Variants in DPYSL3 observed in about 807,000 individuals in gnomAD.
DPYSL3 encodes the protein dihydropyrimidinase like 3.
In DPYSL3, 16 loss-of-function variants were observed where a neutral mutation model predicts 66.1. The observed-to-expected ratio is 0.24, with a 90% CI of 0.16 to 0.37. DPYSL3 has a LOEUF of 0.37. Ranked by LOEUF, DPYSL3 falls within the 10% of genes least tolerant of loss-of-function variation. The pLI is 1.00. For missense variants in DPYSL3, 738 were observed against 916.2 expected (o/e 0.81, Z 2.51); for synonymous variants, 338 against 345.1 (o/e 0.98, Z 0.23).
chr5:147,464,456 A>G (rs1752982948), intron 1 of DPYSL3, among the ~76,000 whole-genome samples: 1 of 152,158 alleles, frequency 6.6e-6, no homozygotes, highest in African/African-American at 2.4e-5. Flanking sequence ...CTACCTGTGT[A>G]CTTCGGGCTC....
intron 1 of DPYSL3, among the ~76,000 whole-genome samples, chr5:147,490,300 G>T (rs141624862): frequency 6.4e-4 from 98 of 152,258 alleles, no homozygotes; most frequent in African/African-American, 2.2e-3. Flanking sequence ...CATTGATAAT[G>T]AAATGAATGT....
chr5:147,488,355 C>T (rs944957816), intron 1 of DPYSL3, among the ~76,000 whole-genome samples: 3 of 152,164 alleles, frequency 2.0e-5, no homozygotes, highest in African/African-American at 7.2e-5. Context: ...TCAAAGGAGA[C>T]CCTCTAAAAT....
intron 1 of DPYSL3, among the ~76,000 whole-genome samples, chr5:147,474,832 G>T (rs1208483023): frequency 4.6e-5 from 7 of 151,926 alleles, no homozygotes; most frequent in African/African-American, 1.7e-4. Flanking sequence ...CAATTCCGTG[G>T]TTTTTAAGGT....
chr5:147,453,889 A>T (rs1160764194), intron 1 of DPYSL3: 2 of 506,082 alleles, frequency 4.0e-6, no homozygotes, highest in Non-Finnish European at 6.1e-6. Flanking sequence ...ACCCCATAAG[A>T]CAAGAATGGC....
chr5:147,465,778 A>C (rs1234414074), intron 1 of DPYSL3, among the ~76,000 whole-genome samples: 1 of 152,242 alleles, frequency 6.6e-6, no homozygotes, highest in Non-Finnish European at 1.5e-5. Context: ...GGGTTATCCC[A>C]GTATCATGCC....
chr5:147,401,193 C>T (rs1463479734), intron 9 of DPYSL3, among the ~76,000 whole-genome samples: 1 of 152,196 alleles, frequency 6.6e-6, no homozygotes, highest in Non-Finnish European at 1.5e-5. Flanking sequence ...GATTTAGCTT[C>T]TCTGACCTTC....
chr5:147,461,280 C>G (rs970758004), intron 1 of DPYSL3, among the ~76,000 whole-genome samples: 1 of 152,142 alleles, frequency 6.6e-6, no homozygotes, highest in East Asian at 1.9e-4. Flanking sequence ...GTTTCTCATG[C>G]CTTCTGCAAT....
intron 1 of DPYSL3, chr5:147,454,179 G>A (rs1258530542): frequency 6.6e-6 from 1 of 152,034 alleles, no homozygotes; most frequent in Non-Finnish European, 1.5e-5. Flanking sequence ...TACCTTCCCC[G>A]CCCTAGTTTC....
At chr5:147,406,615 C>T (rs144464296) in intron 7 of DPYSL3, among the ~76,000 whole-genome samples, 103 of 152,312 alleles carry the variant, frequency 6.8e-4, no homozygotes, top group African/African-American at 2.4e-3. Context: ...GGGTTGGCTA[C>T]TGATATTATT....
At chr5:147,470,738 C>T (rs2126422877) in intron 1 of DPYSL3, among the ~76,000 whole-genome samples, 1 of 152,262 alleles carries the variant, frequency 6.6e-6, no homozygotes, top group Middle Eastern at 3.4e-3. Flanking sequence ...ACCTCAAGCA[C>T]TTGCCCAAAT....
chr5:147,457,136 A>G (rs759699207), intron 1 of DPYSL3, among the ~76,000 whole-genome samples: 12 of 152,206 alleles, frequency 7.9e-5, no homozygotes, highest in Non-Finnish European at 1.6e-4. Flanking sequence ...GAGGTGAATA[A>G]TAAGTCCCAA....
At chr5:147,457,829 G>C (rs1435670428) in intron 1 of DPYSL3, among the ~76,000 whole-genome samples, 2 of 152,164 alleles carry the variant, frequency 1.3e-5, no homozygotes, top group Non-Finnish European at 2.9e-5. Flanking sequence ...CCCTTAGCTA[G>C]AAACAAGACT....
At chr5:147,404,513 A>G (rs774661397) in intron 8 of DPYSL3, among the ~76,000 whole-genome samples, 47 of 152,214 alleles carry the variant, frequency 3.1e-4, no homozygotes, top group Non-Finnish European at 1.2e-4. Flanking sequence ...CAGAATGGCC[A>G]CTGGCACGCA....
At chr5:147,453,449 A>G (rs926968931) in intron 1 of DPYSL3, 2 of 1,413,720 alleles carry the variant, frequency 1.4e-6, no homozygotes, top group South Asian at 1.5e-5. Context: ...CTCCCCGGGG[A>G]CCAGGCCAGA....
At chr5:147,507,559 A>C (rs1753700269) in intron 1 of DPYSL3, among the ~76,000 whole-genome samples, 1 of 152,168 alleles carries the variant, frequency 6.6e-6, no homozygotes, top group Non-Finnish European at 1.5e-5. Flanking sequence ...CAAATACACA[A>C]TCTCTACCCT....
chr5:147,406,394 T>C (rs1474256131), intron 7 of DPYSL3, among the ~76,000 whole-genome samples: 1 of 152,186 alleles, frequency 6.6e-6, no homozygotes, highest in Non-Finnish European at 1.5e-5. Flanking sequence ...TGAGGCTCTC[T>C]CAGATGGCCT....
intron 1 of DPYSL3, among the ~76,000 whole-genome samples, chr5:147,485,105 TC>T (rs2126440343): frequency 6.6e-6 from 1 of 152,352 alleles, no homozygotes; most frequent in Non-Finnish European, 1.5e-5. Context: ...CTGCTTTTAT[TC>T]GATTGCAAAA....
At chr5:147,406,422 C>A (rs2152019113) in intron 7 of DPYSL3, among the ~76,000 whole-genome samples, 1 of 152,300 alleles carries the variant, frequency 6.6e-6, no homozygotes, top group Non-Finnish European at 1.5e-5. Flanking sequence ...AGTCCTGGTT[C>A]TGACACTTAT....
chr5:147,445,922 T>A (rs1207461306), intron 1 of DPYSL3, among the ~76,000 whole-genome samples: 1 of 152,128 alleles, frequency 6.6e-6, no homozygotes, highest in Non-Finnish European at 1.5e-5. Context: ...TTATTCCATT[T>A]CTCCTCTGCA....
Sources: gnomAD v4.1 joint callset for allele counts (sites outside exome capture counted in the v4.1 genomes callset) on GRCh38, gnomAD v4.1.1 for gene constraint, MANE v1.5 for transcripts, NCBI Gene and HGNC (gene_info 2026-07-23, HGNC 2026-07-21) for gene names.